The following ZKSCAN5 variants were observed in gnomAD, a reference collection of about 807,000 sequenced individuals.
The protein encoded by ZKSCAN5 is zinc finger with KRAB and SCAN domains 5.
ZKSCAN5 carries 28 observed loss-of-function variants against 60.0 expected under a neutral mutation model. The observed-to-expected ratio is 0.47, with a 90% CI of 0.35 to 0.64. The LOEUF is 0.64. ZKSCAN5 is among the 30% of genes least tolerant of loss of function. The pLI, the probability that ZKSCAN5 is intolerant of heterozygous loss-of-function variation, is 0.01. For synonymous variants in ZKSCAN5, 361 were observed against 371.2 expected, an observed-to-expected ratio of 0.97 and a Z score of 0.31; for missense variants, 881 against 1,034.6, an observed-to-expected ratio of 0.85 and a Z score of 2.04.
intron 6 of ZKSCAN5, among the ~76,000 whole-genome samples, chr7:99,529,944 C>G (rs1017648026): frequency 1.3e-5 from 2 of 150,732 alleles, no homozygotes; most frequent in African/African-American, 4.9e-5. Flanking sequence ...CTGTCTTGGT[C>G]AGGCTGGTCT....
At chr7:99,513,416 CAG>C (rs1801127941) in intron 3 of ZKSCAN5, among the ~76,000 whole-genome samples, 1 of 152,110 alleles carries the variant, frequency 6.6e-6, no homozygotes, top group Non-Finnish European at 1.5e-5. Flanking sequence ...ATTTTTGAGA[CAG>C]AGTCTCACCC....
At chr7:99,504,835 CA>C (rs2151089350) in intron 1 of ZKSCAN5, 102 bp downstream of exon 1, 1 of 152,496 alleles carries the variant, frequency 6.6e-6, no homozygotes, top group African/African-American at 2.4e-5. Context: ...GGGCTGTCAG[CA>C]AGGTACAGAC....
At chr7:99,518,962 C>CCA (rs1333723625) in intron 3 of ZKSCAN5, among the ~76,000 whole-genome samples, 1 of 147,202 alleles carries the variant, frequency 6.8e-6, no homozygotes, top group African/African-American at 2.5e-5. Context: ...GCGTGAGCCA[C>CCA]CGTACCTGGC....
chr7:99,519,554 G>A (rs949237470), intron 3 of ZKSCAN5, among the ~76,000 whole-genome samples: 2 of 152,168 alleles, frequency 1.3e-5, no homozygotes, highest in Admixed American at 1.3e-4. Flanking sequence ...TGGTATTACA[G>A]GCGTGAGCCA....
chr7:99,527,229 G>T (rs951307501), intron 6 of ZKSCAN5, among the ~76,000 whole-genome samples: 1 of 152,142 alleles, frequency 6.6e-6, no homozygotes, highest in Admixed American at 6.6e-5. Context: ...TCCTCGGAAG[G>T]CTGAGGTGGG....
chr7:99,521,266 C>T (rs957096839), intron 5 of ZKSCAN5, among the ~76,000 whole-genome samples: 5 of 152,172 alleles, frequency 3.3e-5, no homozygotes, highest in African/African-American at 1.2e-4. Context: ...GGCGCAATCT[C>T]AGCTCCCTGC....
At chr7:99,527,593 G>A (rs1350442545) in intron 6 of ZKSCAN5, among the ~76,000 whole-genome samples, 1 of 152,096 alleles carries the variant, frequency 6.6e-6, no homozygotes, top group African/African-American at 2.4e-5. Context: ...TGGTGGCATT[G>A]TAATTTACTC....
At position 99,532,067 on chromosome 7, in the gene ZKSCAN5, A is replaced by G. The variant is rs748901790; in HGVS notation, c.2338A>G (p.Arg780Gly). 25 of 1,614,118 alleles carry G rather than the reference A, an allele frequency of 1.5e-5. No homozygotes were observed. The highest frequency in any genetic ancestry group is 2.1e-5 in the Non-Finnish European group (25 of 1,180,046). ...ATCCCATCAATGTCATGAATGTGGC[A>G]GAGGCTTCACTCTGAAGTCACATCT... is the stretch of plus-strand genomic sequence containing the variant. The part of the protein sequence containing the change: ...TKSHQCHECG[R>G]GFTLKSHLNQ... Residue 780 changes from arginine (R) to glycine (G), a missense_variant, in exon 7 of 7, where the codon AGA becomes GGA. Physicochemically the swap from Arg to Gly is moderately radical, Grantham distance 125 (BLOSUM62 -2). Around this residue, in one of 5 missense-constraint regions of ZKSCAN5, gnomAD observed 138 missense variants for 143.8 expected, o/e 0.96. Transcript: ENST00000326775.
chr7:99,522,296 G>T (rs1485846354), intron 5 of ZKSCAN5, among the ~76,000 whole-genome samples: 1 of 152,148 alleles, frequency 6.6e-6, no homozygotes, highest in Non-Finnish European at 1.5e-5. Context: ...CTTGGAGGCA[G>T]CAGTTTCCGT....
chr7:99,506,749 C>T (rs1429804261), intron 2 of ZKSCAN5, among the ~76,000 whole-genome samples: 2 of 152,290 alleles, frequency 1.3e-5, no homozygotes, highest in East Asian at 1.9e-4. Context: ...GTGGTGCGAT[C>T]TCGGCTCACT....
Position 99,515,241 on chromosome 7 carries a change from C to T in ZKSCAN5, c.553+2650C>T, listed in dbSNP as rs377694556. Among the ~76,000 whole-genome samples the T allele has an allele frequency of 4.6e-5, 7 of 151,454 alleles. No homozygotes were observed. The East Asian group carries it at 5.9e-4, about 13-fold the overall frequency. ...TCAACGTGGTGAAACCCCGTCTCTA[C>T]TAAAAATATGCAACAATTATCCAGG... On this transcript the variant is annotated intron_variant, in intron 3 of 6. Coordinates refer to ENST00000326775, the MANE Select transcript of ZKSCAN5 (RefSeq NM_145102.4).
At chr7:99,514,974 A>G (rs1389203748) in intron 3 of ZKSCAN5, among the ~76,000 whole-genome samples, 1 of 150,958 alleles carries the variant, frequency 6.6e-6, no homozygotes, top group African/African-American at 2.4e-5. Flanking sequence ...CGGCTATACC[A>G]GAGGCTGAGG....
chr7:99,521,131 G>T (rs1481692805), intron 5 of ZKSCAN5, among the ~76,000 whole-genome samples: 1 of 152,052 alleles, frequency 6.6e-6, no homozygotes, highest in African/African-American at 2.4e-5. Context: ...TCTTTTAGAA[G>T]AACCACTCTA....
chr7:99,505,380 T>G (rs1584157296), intron 1 of ZKSCAN5: 1 of 147,706 alleles, frequency 6.8e-6, no homozygotes, highest in African/African-American at 2.5e-5. Flanking sequence ...TCCCCTAGAG[T>G]GGGGCCTTGA....
chr7:99,511,875 C>T (rs534171311), intron 2 of ZKSCAN5, among the ~76,000 whole-genome samples: 4 of 152,050 alleles, frequency 2.6e-5, no homozygotes, highest in African/African-American at 7.2e-5. Context: ...CTGCAAGCTC[C>T]GCCTCCCAGG....
In ZKSCAN5 at chr7:99,527,524, G is replaced by A. The variant is rs888690999; in HGVS notation, c.1378+1106G>A. Reference sequence around the variant, plus strand: ...TCGTACTCAGAATTAAATATTAAGCGTACACATTTTCCAGGGCTGTTCAGC... The same window carrying A: ...TCGTACTCAGAATTAAATATTAAGCATACACATTTTCCAGGGCTGTTCAGC... On this transcript the variant is annotated intron_variant, in intron 6 of 6. Coordinates refer to ENST00000326775, the MANE Select transcript of ZKSCAN5 (RefSeq NM_145102.4). Among the ~76,000 whole-genome samples, 5 of 151,534 alleles carry A rather than the reference G, an allele frequency of 3.3e-5. No homozygotes were observed. The South Asian group carries it at 6.2e-4, about 19-fold the overall frequency.
chr7:99,529,694 G>A (rs552084296), intron 6 of ZKSCAN5, among the ~76,000 whole-genome samples: 53 of 152,184 alleles, frequency 3.5e-4, no homozygotes, highest in Non-Finnish European at 6.8e-4. Context: ...ATGTATAAGC[G>A]TTCCCTTTTC....
At chr7:99,526,585 C>T (rs1373879210) in intron 6 of ZKSCAN5, among the ~76,000 whole-genome samples, 167 bp downstream of exon 6, 3 of 152,160 alleles carry the variant, frequency 2.0e-5, no homozygotes, top group Non-Finnish European at 4.4e-5. Flanking sequence ...GAGACAGTCT[C>T]GCTCTGTCGC....
chr7:99,507,489 ATGTATATATG>A (rs1247115297), intron 2 of ZKSCAN5, among the ~76,000 whole-genome samples: 2 of 145,854 alleles, frequency 1.4e-5, no homozygotes, highest in Admixed American at 7.0e-5. Context: ...ATGTGTATAT[ATGTATATATG>A]TGTATATATA....
Sources: gnomAD v4.1 joint callset for allele counts (sites outside exome capture counted in the v4.1 genomes callset) on GRCh38, gnomAD v4.1.1 for gene constraint, gnomAD v4.1.1 regional missense constraint, MANE v1.5 for transcripts, NCBI Gene and HGNC (gene_info 2026-07-23, HGNC 2026-07-21) for gene names.